The following DNAH14 variants were observed in gnomAD, a reference collection of about 807,000 sequenced individuals.
DNAH14 encodes dynein axonemal heavy chain 14.
Under a neutral mutation model 520.9 loss-of-function variants are expected in DNAH14, and 478 were observed. The ratio of observed to expected loss-of-function variants is 0.92; its 90% confidence interval spans 0.85 to 0.99. The LOEUF is 0.99. Ranked by LOEUF, DNAH14 falls within the 50% of genes least tolerant of loss-of-function variation. The pLI, the probability that DNAH14 is intolerant of heterozygous loss-of-function variation, is 0.00. For missense variants in DNAH14, 4,831 were observed against 5,234.5 expected (o/e 0.92, Z 2.38); for synonymous variants, 1,581 against 1,757.2 (o/e 0.90, Z 2.51).
At chr1:225,045,973 A>G (rs1318482698) in intron 15 of DNAH14, among the ~76,000 whole-genome samples, 1 of 151,946 alleles carries the variant, frequency 6.6e-6, no homozygotes, top group African/African-American at 2.4e-5. Context: ...GTGATTTTCT[A>G]TTTCTTTCAT....
At chr1:225,119,391 A>C in intron 26 of DNAH14, 97 bp downstream of exon 26, 1 of 770,004 alleles carries the variant, frequency 1.3e-6, no homozygotes, top group Non-Finnish European at 1.9e-6. Context: ...CTTATCTACT[A>C]ATCTAAGTGA....
rs1256734030 is a variant in DNAH14 at position 225,388,392 on chromosome 1, G to A, written c.13091G>A (p.Arg4364Lys). ...VPTLWQKHAY[R>K]SCKPLSSWID... is the part of the protein sequence containing the mutation. ...AAATCCCAACAGAAACACGCCTACA[G>A]ATCTTGTAAGCCACTGAGTTCCTGG... The change falls in exon 82 of 86, where the codon AGA becomes AAA. Residue 4364 changes from arginine (R) to lysine (K), a missense_variant. Coordinates refer to ENST00000682510, the MANE Select transcript of DNAH14 (RefSeq NM_001367479.1). 9 of 1,520,178 alleles carry A rather than the reference G, an allele frequency of 5.9e-6. No homozygotes were observed. The South Asian group carries it at 1.1e-4, about 19-fold the overall frequency. The allele number at this position is 1,520,178 out of a possible 1,614,324, so 94.2% of individuals were successfully genotyped here.
chr1:224,967,989 G>T, intron 6 of DNAH14: 1 of 1,012,812 alleles, frequency 9.9e-7, no homozygotes, highest in East Asian at 5.9e-5. Flanking sequence ...ATAGCATTTT[G>T]ATATTTATCA....
chr1:225,376,496 G>GT (rs1372134280), intron 78 of DNAH14, among the ~76,000 whole-genome samples: 2 of 152,186 alleles, frequency 1.3e-5, no homozygotes, highest in African/African-American at 4.8e-5. Flanking sequence ...TTTGTACAGA[G>GT]TATTACATTA....
chr1:225,059,245 T>C (rs184992991), intron 17 of DNAH14, among the ~76,000 whole-genome samples: 5 of 152,348 alleles, frequency 3.3e-5, no homozygotes, highest in Admixed American at 3.3e-4. Context: ...GATAGTTAGC[T>C]CTTCTTGTTG....
In DNAH14 at chr1:225,265,208, A is replaced by G. The variant is rs1334206974; in HGVS notation, c.7249A>G (p.Arg2417Gly). 1 of 1,500,862 alleles carries G rather than the reference A, an allele frequency of 6.7e-7. No homozygotes were observed. Among genetic ancestry groups the G allele is most frequent in the Non-Finnish European group, 8.8e-7 (1 of 1,130,862 alleles). The allele number at this position is 1,500,862 out of a possible 1,614,324, so 93.0% of individuals were successfully genotyped here. A position where few individuals can be genotyped will look rare whatever the true frequency, so the allele number is the denominator to read the frequency against. Residue 2417 changes from arginine (R) to glycine (G), a missense_variant, in exon 48 of 86, where the codon AGA becomes GGA. Arg to Gly is a moderately radical substitution (Grantham distance 125). Coordinates refer to ENST00000682510, the MANE Select transcript of DNAH14 (RefSeq NM_001367479.1). Reference sequence around the variant, plus strand: ...TAATCCCACTAAAAAGCCAGAAGTTAGAACTAATAAAAAGTTACTTAAAAA... The same window carrying G: ...TAATCCCACTAAAAAGCCAGAAGTTGGAACTAATAAAAAGTTACTTAAAAA... The part of the protein sequence containing the change: ...SDNPTKKPEV[R>G]TNKKLLKNND...
chr1:225,270,857 T>C lies in DNAH14; in HGVS notation c.7662T>C (p.Thr2554=). ...ATCCTTCACAAGACATCTTATGTACTATTTTCCAGGTAACACATCTAGTTC... is the reference window on the plus strand; with the variant it reads ...ATCCTTCACAAGACATCTTATGTACCATTTTCCAGGTAACACATCTAGTTC... ...LPHPSQDILC[T]IFQAHLGIYF... is the part of the protein sequence containing the mutation. The change falls in exon 50 of 86, where the codon ACT becomes ACC. Residue 2554 remains threonine (T), a synonymous_variant. Transcript: ENST00000682510. 6.4e-7 allele frequency: 1 copy of C among 1,550,502 alleles called. No homozygotes were observed. Among genetic ancestry groups the C allele is most frequent in the African/African-American group, 1.4e-5 (1 of 73,164 alleles).
intron 17 of DNAH14, among the ~76,000 whole-genome samples, chr1:225,059,235 G>C (rs2069624611): frequency 6.6e-6 from 1 of 152,146 alleles, no homozygotes; most frequent in Non-Finnish European, 1.5e-5. Context: ...AGATATTTAG[G>C]ATAGTTAGCT....
chr1:225,167,610 G>A (rs1193767430), intron 35 of DNAH14, among the ~76,000 whole-genome samples: 1 of 152,138 alleles, frequency 6.6e-6, no homozygotes, highest in South Asian at 2.1e-4. Context: ...TTTTCTTTTA[G>A]TGTAGGATAA....
At chr1:225,168,132 AT>A (rs577330816) in intron 36 of DNAH14, 104 bp downstream of exon 36, 87 of 690,562 alleles carry the variant, frequency 1.3e-4, no homozygotes, top group South Asian at 3.0e-4. Flanking sequence ...TACAGGTATA[AT>A]TTTTTTTAAT....
chr1:225,007,303 A>C, intron 9 of DNAH14, 110 bp from the exon 10 acceptor site: 2 of 911,124 alleles, frequency 2.2e-6, no homozygotes, highest in East Asian at 7.7e-5. Context: ...ATACAGAAGA[A>C]AATGTAAAAT....
intron 78 of DNAH14, 73 bp downstream of exon 78, chr1:225,374,958 A>G: frequency 3.8e-6 from 5 of 1,302,350 alleles, no homozygotes; most frequent in African/African-American, 1.5e-5. Context: ...TTTAAAATAC[A>G]TATTTAAATA....
chr1:224,939,704 A>C (rs906734826), intron 1 of DNAH14, among the ~76,000 whole-genome samples: 6 of 152,116 alleles, frequency 3.9e-5, no homozygotes, highest in African/African-American at 1.4e-4. Context: ...AAAACTAATC[A>C]AAAAACATGT....
chr1:224,993,076 C>T (rs2063163826), intron 8 of DNAH14, among the ~76,000 whole-genome samples: 2 of 152,068 alleles, frequency 1.3e-5, no homozygotes, highest in Non-Finnish European at 2.9e-5. Flanking sequence ...GGTAAATAAT[C>T]CTTTTAATGT....
chr1:225,152,705 G>A lies in DNAH14; in HGVS notation c.5018G>A (p.Gly1673Asp). The change falls in exon 33 of 86, where the codon GGT (glycine) becomes GAT (aspartate). Residue 1673 changes from glycine to aspartate, a missense_variant. Gly to Asp is a moderately conservative substitution (Grantham distance 94). Transcript: ENST00000682510. ...TTTCTTTTCCTCTTCAGATACGGAG[G>A]TGGAGTAGAGCTCCCAGATAACTTA... is the stretch of plus-strand genomic sequence containing the variant. ...VFITMNPRYG[G>D]GVELPDNLKS... 1 of 1,544,468 alleles carries A rather than the reference G, an allele frequency of 6.5e-7. No homozygotes were observed.
intron 8 of DNAH14, among the ~76,000 whole-genome samples, chr1:224,989,011 T>C (rs1444724237): frequency 6.6e-6 from 1 of 152,196 alleles, no homozygotes; most frequent in Admixed American, 6.5e-5. Context: ...AATCCATTCA[T>C]GAGGGCAGAG....
chr1:225,349,400 G>A (rs537912088), intron 71 of DNAH14, among the ~76,000 whole-genome samples: 1 of 152,232 alleles, frequency 6.6e-6, no homozygotes, highest in South Asian at 2.1e-4. Flanking sequence ...CAGGAAGGGA[G>A]AAAGTTACAA....
At chr1:225,067,713 A>T (rs1252222198) in intron 17 of DNAH14, among the ~76,000 whole-genome samples, 3 of 152,056 alleles carry the variant, frequency 2.0e-5, no homozygotes, top group African/African-American at 7.2e-5. Flanking sequence ...TTCTCTAATG[A>T]TCAGTGATGT....
chr1:225,031,849 TC>T (rs1251332507), intron 11 of DNAH14, among the ~76,000 whole-genome samples: 2 of 152,072 alleles, frequency 1.3e-5, no homozygotes, highest in African/African-American at 4.8e-5. Context: ...TAATTACCAT[TC>T]CTTGTGTTGT....
Sources: allele counts gnomAD v4.1 joint callset (sites outside exome capture counted in the v4.1 genomes callset), GRCh38; gene constraint gnomAD v4.1.1; transcripts MANE v1.5; gene names NCBI Gene and HGNC (gene_info 2026-07-23, HGNC 2026-07-21).